Variants in DCDC1 observed in about 807,000 individuals in gnomAD.
The protein encoded by DCDC1 is doublecortin domain-containing protein 1.
In DCDC1, 200 loss-of-function variants were observed where a neutral mutation model predicts 178.3. That is an observed-to-expected ratio of 1.12 (90% CI 1.00 to 1.26). DCDC1 has a LOEUF of 1.26. Ranked by LOEUF, DCDC1 falls within the 50% of genes most tolerant of loss-of-function variation. DCDC1 has a pLI of 0.00. For synonymous variants in DCDC1, 690 were observed against 604.8 expected (o/e 1.14, Z -2.07); for missense variants, 1,983 against 1,749.2 (o/e 1.13, Z -2.38).
At chr11:31,323,261 G>T (rs1340689987) in intron 3 of DCDC1, among the ~76,000 whole-genome samples, 1 of 152,158 alleles carries the variant, frequency 6.6e-6, no homozygotes, top group Non-Finnish European at 1.5e-5. Context: ...AAACATGCAG[G>T]TATAAGTTAT....
At chr11:31,084,979 C>T (rs762760014) in intron 17 of DCDC1, among the ~76,000 whole-genome samples, 2 of 150,928 alleles carry the variant, frequency 1.3e-5, no homozygotes, top group African/African-American at 2.4e-5. Context: ...ATCCGGTGTG[C>T]CTAGTGAGAG....
chr11:31,249,658 C>A (rs1040495057), intron 8 of DCDC1, among the ~76,000 whole-genome samples: 2 of 152,108 alleles, frequency 1.3e-5, no homozygotes, highest in Middle Eastern at 3.2e-3. Context: ...TTTGTGTATA[C>A]CAAGTCTTGC....
chr11:31,139,512 G>A (rs1963567101), intron 9 of DCDC1, among the ~76,000 whole-genome samples: 1 of 152,158 alleles, frequency 6.6e-6, no homozygotes, highest in South Asian at 2.1e-4. Context: ...AGAAGAGAGG[G>A]ACTGGAGAAT....
At chr11:31,260,053 A>T (rs1407688150) in intron 8 of DCDC1, among the ~76,000 whole-genome samples, 2 of 152,096 alleles carry the variant, frequency 1.3e-5, no homozygotes, top group Non-Finnish European at 1.5e-5. Flanking sequence ...GTGTAGACCT[A>T]ATTCAACTTC....
intron 6 of DCDC1, among the ~76,000 whole-genome samples, chr11:31,296,911 G>A (rs1360996702): frequency 1.3e-5 from 2 of 152,158 alleles, no homozygotes; most frequent in South Asian, 2.1e-4. Flanking sequence ...CCAACATGAG[G>A]GGATTATATT....
In DCDC1 at chr11:30,923,620, A is replaced by ATT. The variant is rs1946404829; in HGVS notation, c.2998-983_2998-982insAA. Reference sequence around the variant, plus strand: ...GGAAACTTTAAATAATAATAATAATAATTATTATTATTATTTGAGATGGAG... The same window carrying ATT: ...GGAAACTTTAAATAATAATAATAATATTATTATTATTATTATTTGAGATGGAG... On this transcript the variant is annotated intron_variant, in intron 23 of 38. Coordinates refer to ENST00000684477, the MANE Select transcript of DCDC1 (RefSeq NM_001387274.1). 3.5e-5 allele frequency among the ~76,000 whole-genome samples: 5 copies of ATT among 144,694 alleles called. No homozygotes were observed. The East Asian group carries it at 6.0e-4, about 17-fold the overall frequency. 94.9% of individuals were successfully genotyped at this position (144,694 alleles called of 152,430 possible).
chr11:30,897,781 A>G (rs1462913680), intron 34 of DCDC1, among the ~76,000 whole-genome samples: 1 of 152,140 alleles, frequency 6.6e-6, no homozygotes, highest in Non-Finnish European at 1.5e-5. Flanking sequence ...TTCTACAACT[A>G]TTCAGAGAAC....
chr11:30,944,778 G>A (rs1458225166), intron 21 of DCDC1, among the ~76,000 whole-genome samples: 1 of 151,984 alleles, frequency 6.6e-6, no homozygotes, highest in Non-Finnish European at 1.5e-5. Context: ...AGCTACTGTA[G>A]TGCCTTAGTT....
At chr11:31,239,580 AAGT>A (rs1446247360) in intron 9 of DCDC1, among the ~76,000 whole-genome samples, 2 of 152,096 alleles carry the variant, frequency 1.3e-5, no homozygotes, top group African/African-American at 4.8e-5. Context: ...AATAAAACTT[AAGT>A]ATCATATTAA....
chr11:30,948,857 A>C (rs1948227365), intron 21 of DCDC1, among the ~76,000 whole-genome samples: 2 of 152,232 alleles, frequency 1.3e-5, no homozygotes, highest in Admixed American at 1.3e-4. Flanking sequence ...AATTAACTCA[A>C]GATGGATTAA....
chr11:30,913,906 A>G (rs1945638030), intron 27 of DCDC1, among the ~76,000 whole-genome samples: 1 of 152,246 alleles, frequency 6.6e-6, no homozygotes, highest in Admixed American at 6.5e-5. Flanking sequence ...AGCCATGCTC[A>G]AATTGCAATT....
chr11:31,011,955 G>A (rs1952197860), intron 20 of DCDC1, among the ~76,000 whole-genome samples: 1 of 152,184 alleles, frequency 6.6e-6, no homozygotes, highest in African/African-American at 2.4e-5. Flanking sequence ...CTGGTGGGAG[G>A]TGATTGGATT....
intron 22 of DCDC1, among the ~76,000 whole-genome samples, chr11:30,929,518 G>A (rs1055665319): frequency 3.3e-5 from 5 of 152,024 alleles, no homozygotes; most frequent in Admixed American, 6.6e-5. Context: ...TGGGTGGTTT[G>A]AGAGTGGGAA....
intron 18 of DCDC1, among the ~76,000 whole-genome samples, chr11:31,068,901 G>C (rs1051864327): frequency 2.0e-5 from 3 of 151,798 alleles, no homozygotes; most frequent in Admixed American, 6.6e-5. Context: ...GCCCATGCTG[G>C]AATGCAGTGG....
chr11:31,258,843 C>G (rs772921063), intron 8 of DCDC1, among the ~76,000 whole-genome samples: 1 of 152,088 alleles, frequency 6.6e-6, no homozygotes, highest in African/African-American at 2.4e-5. Context: ...ATTGAAGATG[C>G]CACTCCTAAG....
At chr11:30,971,313 G>T (rs1949763629) in intron 20 of DCDC1, among the ~76,000 whole-genome samples, 1 of 152,100 alleles carries the variant, frequency 6.6e-6, no homozygotes, top group Non-Finnish European at 1.5e-5. Flanking sequence ...TCTCCAGTAA[G>T]AGTCTAGTGA....
At position 31,172,422 on chromosome 11, in the gene DCDC1, T is replaced by C. The variant is rs564546722; in HGVS notation, c.1222-34638A>G. On this transcript the variant is annotated intron_variant, in intron 9 of 38. Transcript: ENST00000684477. ...GAGATTAAGTTGAAAATATTTTCCA[T>C]CTCTATTATTGTCTATTTACTGACA... is the stretch of plus-strand genomic sequence containing the variant. 2.6e-5 allele frequency among the ~76,000 whole-genome samples: 4 copies of C among 152,260 alleles called. No individual in the cohort carries two copies. The East Asian group carries it at 5.8e-4, about 22-fold the overall frequency.
At chr11:31,309,799 T>C (rs1948663109) in intron 3 of DCDC1, among the ~76,000 whole-genome samples, 1 of 152,230 alleles carries the variant, frequency 6.6e-6, no homozygotes, top group Non-Finnish European at 1.5e-5. Flanking sequence ...CTTTTTCATA[T>C]TCTGAAGTTT....
intron 1 of DCDC1, among the ~76,000 whole-genome samples, chr11:31,365,751 G>A (rs1316838007): frequency 2.0e-5 from 3 of 152,086 alleles, no homozygotes; most frequent in Non-Finnish European, 4.4e-5. Flanking sequence ...TCAATCATCT[G>A]GGAATCAAAT....
Sources: gnomAD v4.1 joint callset for allele counts (sites outside exome capture counted in the v4.1 genomes callset) on GRCh38, gnomAD v4.1.1 for gene constraint, MANE v1.5 for transcripts, NCBI Gene and HGNC (gene_info 2026-07-23, HGNC 2026-07-21) for gene names.